SPATA17: variants seen among roughly 807,000 people sequenced by gnomAD.
SPATA17 encodes the protein spermatogenesis-associated protein 17.
SPATA17 carries 53 observed loss-of-function variants against 62.2 expected under a neutral mutation model. That is an observed-to-expected ratio of 0.85 (90% CI 0.68 to 1.07). SPATA17 has a LOEUF of 1.07. Ranked by LOEUF, SPATA17 falls within the 50% of genes least tolerant of loss-of-function variation. The probability of loss-of-function intolerance (pLI) is 0.00; values close to 1 mark genes in which losing one functional copy is unlikely to be tolerated. For synonymous variants in SPATA17, 146 were observed against 146.8 expected, an observed-to-expected ratio of 0.99 and a Z score of 0.04; for missense variants, 466 against 425.5, an observed-to-expected ratio of 1.10 and a Z score of -0.84.
intron 3 of SPATA17, among the ~76,000 whole-genome samples, chr1:217,660,856 T>C (rs954225095): frequency 6.6e-6 from 1 of 152,206 alleles, no homozygotes; most frequent in Admixed American, 6.5e-5. Flanking sequence ...GATTGATAGT[T>C]ATAATGATAA....
chr1:217,726,714 T>C (rs1176140363), intron 5 of SPATA17, among the ~76,000 whole-genome samples: 2 of 140,556 alleles, frequency 1.4e-5, no homozygotes, highest in East Asian at 2.0e-4. Context: ...CATATTTTTG[T>C]GTGTTTTTTT....
At chr1:217,649,456 G>A (rs747739235) in intron 2 of SPATA17, among the ~76,000 whole-genome samples, 9 of 152,082 alleles carry the variant, frequency 5.9e-5, no homozygotes, top group Non-Finnish European at 1.0e-4. Flanking sequence ...TCCAGCCTGG[G>A]CAACAGAGTG....
intron 9 of SPATA17, among the ~76,000 whole-genome samples, chr1:217,828,133 A>G (rs1428970001): frequency 6.6e-6 from 1 of 152,152 alleles, no homozygotes; most frequent in African/African-American, 2.4e-5. Flanking sequence ...AGGCAGTATG[A>G]ATAAAAACAA....
intron 6 of SPATA17, among the ~76,000 whole-genome samples, chr1:217,757,945 A>G (rs1673086938): frequency 1.3e-5 from 2 of 152,178 alleles, no homozygotes; most frequent in African/African-American, 4.8e-5. Context: ...ATTCTGGTTG[A>G]TCTTCCAGAG....
chr1:217,850,597 T>G, intron 9 of SPATA17: 1 of 1,596,230 alleles, frequency 6.3e-7, no homozygotes. Context: ...TCAAGGGTGA[T>G]GGTCTTGCCA....
intron 5 of SPATA17, among the ~76,000 whole-genome samples, chr1:217,706,205 A>G (rs1671729767): frequency 6.6e-6 from 1 of 152,038 alleles, no homozygotes; most frequent in African/African-American, 2.4e-5. Flanking sequence ...TTTTGCCTCC[A>G]TAGGAATTGT....
chr1:217,820,921 T>C (rs1299715789), intron 9 of SPATA17, among the ~76,000 whole-genome samples: 1 of 152,088 alleles, frequency 6.6e-6, no homozygotes. Flanking sequence ...TGGCATCTGC[T>C]CAGCTTCTCG....
At chr1:217,642,997 T>A (rs1015270856) in intron 1 of SPATA17, among the ~76,000 whole-genome samples, 1 of 152,204 alleles carries the variant, frequency 6.6e-6, no homozygotes, top group African/African-American at 2.4e-5. Context: ...ATTGCTATTA[T>A]GTTGCTGCTC....
intron 3 of SPATA17, among the ~76,000 whole-genome samples, chr1:217,663,605 TAA>T (rs943634171): frequency 6.6e-6 from 1 of 152,046 alleles, no homozygotes; most frequent in African/African-American, 2.4e-5. Context: ...ATATGGAAAA[TAA>T]CAAAAACTCA....
At chr1:217,738,461 A>C (rs1672560516) in intron 5 of SPATA17, among the ~76,000 whole-genome samples, 1 of 152,220 alleles carries the variant, frequency 6.6e-6, no homozygotes, top group Non-Finnish European at 1.5e-5. Context: ...GCTAACACTT[A>C]CATAGCGCCT....
chr1:217,693,124 A>T (rs938685470), intron 5 of SPATA17, among the ~76,000 whole-genome samples: 5 of 145,802 alleles, frequency 3.4e-5, no homozygotes, highest in African/African-American at 1.3e-4. Flanking sequence ...CTGGTCCTGG[A>T]CTCTTTTTGG....
At chr1:217,841,236 ATTATT>A (rs1675388784) in intron 9 of SPATA17, among the ~76,000 whole-genome samples, 1 of 152,098 alleles carries the variant, frequency 6.6e-6, no homozygotes, top group Non-Finnish European at 1.5e-5. Flanking sequence ...CAAACATTAA[ATTATT>A]TTCAGGGATA....
chr1:217,631,411 G>A lies in SPATA17; in HGVS notation c.33G>A (p.Ser11=). MATLARLQAR[S]STVGNQYYFR... is the part of the protein sequence containing the mutation. ...CGTTAGCCCGGCTGCAAGCTAGGTC[G>A]TCGACTGTAGGAAATCAGTACTACT... Residue 11 remains serine (S), a synonymous_variant, in exon 1 of 11, where the codon TCG becomes TCA. Transcript: ENST00000366933. 1 of 1,614,122 alleles carries A rather than the reference G, an allele frequency of 6.2e-7. No individual in the cohort carries two copies. The highest frequency in any genetic ancestry group is 8.5e-7 in the Non-Finnish European group (1 of 1,180,008).
At chr1:217,781,248 T>G (rs1255776746) in intron 7 of SPATA17, 1 of 152,232 alleles carries the variant, frequency 6.6e-6, no homozygotes, top group African/African-American at 2.4e-5. Context: ...CACTCAGTGC[T>G]TGCAGTAACT....
intron 1 of SPATA17, among the ~76,000 whole-genome samples, chr1:217,648,676 A>G (rs1422319755): frequency 1.3e-5 from 2 of 152,264 alleles, no homozygotes; most frequent in African/African-American, 2.4e-5. Context: ...TTGAAAGCAC[A>G]TGGCTTCTCA....
chr1:217,863,672 T>G (rs554570425), intron 10 of SPATA17, among the ~76,000 whole-genome samples: 8 of 152,230 alleles, frequency 5.3e-5, no homozygotes, highest in African/African-American at 1.9e-4. Context: ...CCATATAAAA[T>G]TCAAGAACAA....
In SPATA17 at chr1:217,683,334, T is replaced by G. The variant is rs1213375154; in HGVS notation, c.368T>G (p.Val123Gly). ...TATTATTTGAAAGAGTACCTGAAAGTCGTTTCAGAGACCAATGATGCAATT... is the reference window on the plus strand; with the variant it reads ...TATTATTTGAAAGAGTACCTGAAAGGCGTTTCAGAGACCAATGATGCAATT... ...NYYYLKEYLK[V>G]VSETNDAIRK... Residue 123 changes from valine (V) to glycine (G), a missense_variant, in exon 5 of 11, where the codon GTC becomes GGC. Transcript: ENST00000366933. 2.5e-6 allele frequency: 4 copies of G among 1,610,202 alleles called. No individual in the cohort carries two copies. The highest frequency in any genetic ancestry group is 1.7e-5 in the Admixed American group (1 of 59,476).
At chr1:217,727,020 G>A (rs1213540472) in intron 5 of SPATA17, among the ~76,000 whole-genome samples, 2 of 151,916 alleles carry the variant, frequency 1.3e-5, no homozygotes, top group Non-Finnish European at 2.9e-5. Flanking sequence ...GGCTGAGGCG[G>A]GCGGATCACC....
intron 9 of SPATA17, among the ~76,000 whole-genome samples, chr1:217,860,842 A>G (rs748494586): frequency 5.9e-5 from 9 of 152,164 alleles, no homozygotes; most frequent in Non-Finnish European, 1.0e-4. Flanking sequence ...GATTATTAAT[A>G]TAGTTGATCA....
Sources: allele counts gnomAD v4.1 joint callset (sites outside exome capture counted in the v4.1 genomes callset), GRCh38; gene constraint gnomAD v4.1.1; transcripts MANE v1.5; gene names NCBI Gene and HGNC (gene_info 2026-07-23, HGNC 2026-07-21).